The following MYH9 variants were observed in gnomAD, a reference collection of about 807,000 sequenced individuals.
MYH9 encodes the protein myosin-9.
A neutral mutation model predicts 241.9 loss-of-function variants in MYH9; 29 were observed. The ratio of observed to expected loss-of-function variants is 0.12; its 90% CI spans 0.09 to 0.16. The LOEUF (loss-of-function observed/expected upper bound fraction) is 0.16. MYH9 is among the 10% of genes least tolerant of loss of function. The pLI, the probability that MYH9 is intolerant of heterozygous loss-of-function variation, is 1.00. For synonymous variants in MYH9, 1,047 were observed against 1,062.6 expected, an observed-to-expected ratio of 0.99 and a Z score of 0.29; for missense variants, 1,803 against 2,595.5, an observed-to-expected ratio of 0.69 and a Z score of 6.63.
rs1441474622 is a variant in MYH9, at chr22:36,306,205, T to C, written c.2038-154A>G. On this transcript the variant is annotated intron_variant, in intron 16 of 40. Transcript: ENST00000216181. The surrounding 1 kb of genome is among the most constrained non-coding windows in gnomAD (Gnocchi z 4.1). ...GGACAATGAAGTCAAAGGATCCAGG[T>C]CTGGGAGGGGCCAATGCCACCAAGA... Among the ~76,000 whole-genome samples the C allele has an allele frequency of 6.6e-6, 1 of 152,032 alleles. No individual in the cohort carries two copies. Among genetic ancestry groups the C allele is most frequent in the African/African-American group, 2.4e-5 (1 of 41,394 alleles).
At chr22:36,321,952 A>G in intron 6 of MYH9, 131 bp from the exon 7 acceptor site, 1 of 839,328 alleles carries the variant, frequency 1.2e-6, no homozygotes, top group South Asian at 1.4e-5. Context: ...CAGAGACGGG[A>G]CCCATGTACC....
At chr22:36,283,558 AT>A (rs2088441015) in intron 40 of MYH9, among the ~76,000 whole-genome samples, 1 of 151,810 alleles carries the variant, frequency 6.6e-6, no homozygotes, top group African/African-American at 2.4e-5. Context: ...AACAAAAAAA[AT>A]AAAAAAAACA....
chr22:36,314,074 G>C lies in MYH9; in HGVS notation c.1554+71C>G. ...ACCTCCACAACCAACACAGAGCTGAGGTGAGGAGCGGGTGCCCCGGAAGGG... is the reference window on the plus strand; with the variant it reads ...ACCTCCACAACCAACACAGAGCTGACGTGAGGAGCGGGTGCCCCGGAAGGG... On this transcript the variant is annotated intron_variant, in intron 13 of 40. Transcript: ENST00000216181. The C allele has an allele frequency of 2.6e-6, 4 of 1,534,550 alleles. No individual in the cohort carries two copies. In the South Asian group the frequency reaches 4.5e-5, roughly 17 times the overall value.
In MYH9 at chr22:36,282,546, G is replaced by A. The variant is rs530695299; in HGVS notation, c.*122C>T. 1.2e-5 allele frequency: 11 copies of A among 939,336 alleles called. No individual in the cohort carries two copies. In the African/African-American group the frequency reaches 1.3e-4, roughly 11 times the overall value. 58.2% of individuals were successfully genotyped at this position (939,336 alleles called of 1,614,324 possible). ...AAACGGGATGGGGGGACGGGGCGGAGGGCAGGAGGAGGCATGTTCACAGCA... is the reference window on the plus strand; with the variant it reads ...AAACGGGATGGGGGGACGGGGCGGAAGGCAGGAGGAGGCATGTTCACAGCA... On this transcript the variant is annotated 3_prime_UTR_variant, in exon 41 of 41. Transcript: ENST00000216181.
intron 1 of MYH9, among the ~76,000 whole-genome samples, chr22:36,351,755 CA>C (rs1267079939): frequency 6.6e-6 from 1 of 152,032 alleles, no homozygotes; most frequent in Non-Finnish European, 1.5e-5. Flanking sequence ...ACCTCAAACC[CA>C]CAAAGGATAA....
At chr22:36,377,532 G>A (rs954166781) in intron 1 of MYH9, among the ~76,000 whole-genome samples, 5 of 152,160 alleles carry the variant, frequency 3.3e-5, no homozygotes, top group African/African-American at 2.4e-5. Context: ...TGCCGGGGGC[G>A]AGTTCCAGCA....
chr22:36,324,531 G>C (rs577210944), intron 5 of MYH9, among the ~76,000 whole-genome samples: 1 of 152,372 alleles, frequency 6.6e-6, no homozygotes, highest in South Asian at 2.1e-4. Context: ...CTGCGGCCCA[G>C]GCCAAACCTG....
intron 1 of MYH9, among the ~76,000 whole-genome samples, chr22:36,357,788 G>C (rs573987383): frequency 6.6e-6 from 1 of 152,300 alleles, no homozygotes; most frequent in African/African-American, 2.4e-5. Flanking sequence ...ACCAAGGAAT[G>C]ACAGCTCCTT....
intron 1 of MYH9, among the ~76,000 whole-genome samples, chr22:36,361,872 C>T (rs1176479225): frequency 6.6e-6 from 1 of 152,176 alleles, no homozygotes; most frequent in Non-Finnish European, 1.5e-5. Flanking sequence ...GAGTTCAAGA[C>T]CAGCCTGGCC....
rs2017361730 is a variant in MYH9 at position 36,327,898 on chromosome 22, C to T, written c.491-410G>A. ...AAGCCTGCTGCAGGTGCTCTAAATA[C>T]CATCCCCACTGAAGGAAGGAGCACC... On this transcript the variant is annotated intron_variant, in intron 3 of 40. Coordinates refer to ENST00000216181, the MANE Select transcript of MYH9 (RefSeq NM_002473.6). Among the ~76,000 whole-genome samples the T allele has an allele frequency of 3.9e-5, 6 of 152,268 alleles. 1 individual carries two copies. The highest frequency in any genetic ancestry group is 1.4e-4 in the African/African-American group (6 of 41,546).
At chr22:36,360,059 A>ACCACCACCC (rs2017914927) in intron 1 of MYH9, among the ~76,000 whole-genome samples, 1 of 115,392 alleles carries the variant, frequency 8.7e-6, no homozygotes, top group Non-Finnish European at 1.8e-5. Flanking sequence ...CACCACCACC[A>ACCACCACCC]CCACCACCAC....
intron 40 of MYH9, 115 bp from the exon 41 acceptor site, chr22:36,282,900 TC>T: frequency 2.1e-6 from 2 of 936,472 alleles, no homozygotes; most frequent in Non-Finnish European, 3.2e-6. Flanking sequence ...GCCTGGCTGC[TC>T]CCACCAGAAA....
At chr22:36,343,883 T>C (rs1270578790) in intron 2 of MYH9, among the ~76,000 whole-genome samples, 4 of 152,208 alleles carry the variant, frequency 2.6e-5, no homozygotes, top group Non-Finnish European at 4.4e-5. Context: ...GCTTTGTTCC[T>C]GGACTTTGAG....
At chr22:36,311,819 G>A (rs534231842) in intron 14 of MYH9, among the ~76,000 whole-genome samples, 27 of 152,324 alleles carry the variant, frequency 1.8e-4, no homozygotes, top group African/African-American at 6.3e-4. Context: ...TGGGCACCGC[G>A]GTGGAGTGCC....
intron 31 of MYH9, among the ~76,000 whole-genome samples, chr22:36,290,746 G>A (rs1030904487): frequency 9.9e-5 from 15 of 151,084 alleles, no homozygotes; most frequent in Admixed American, 7.9e-4. Flanking sequence ...AGTGAGGAGC[G>A]TCTCTGCCCG....
At chr22:36,287,026 C>A in intron 34 of MYH9, 180 bp from the exon 35 acceptor site, 1 of 761,394 alleles carries the variant, frequency 1.3e-6, no homozygotes, top group Non-Finnish European at 2.2e-6. Context: ...GTATCCCACC[C>A]CGTAATGCAC....
At chr22:36,301,734 G>C in intron 20 of MYH9, 69 bp from the exon 21 acceptor site, 1 of 1,594,282 alleles carries the variant, frequency 6.3e-7, no homozygotes, top group Non-Finnish European at 8.5e-7. Context: ...CAGGTGTGAG[G>C]CCTCTCCCTC....
intron 18 of MYH9, among the ~76,000 whole-genome samples, chr22:36,304,687 T>G (rs992262694): frequency 1.3e-5 from 2 of 152,192 alleles, no homozygotes; most frequent in African/African-American, 2.4e-5. Context: ...CTGCCCTGGC[T>G]GTGAGCTGCC....
intron 3 of MYH9, among the ~76,000 whole-genome samples, chr22:36,332,661 TAAA>T (rs67602880): frequency 5.4e-3 from 238 of 44,480 alleles, no homozygotes; most frequent in African/African-American, 0.021. Context: ...TCTGGATAAT[TAAA>T]AAAAAAAAAA....
Sources: gnomAD v4.1 joint callset for allele counts (sites outside exome capture counted in the v4.1 genomes callset) on GRCh38, gnomAD v4.1.1 for gene constraint, Gnocchi (gnomAD v3.1) non-coding constraint, MANE v1.5 for transcripts, NCBI Gene and HGNC (gene_info 2026-07-23, HGNC 2026-07-21) for gene names.